Variants in MYO16 observed in about 807,000 individuals in gnomAD.
The protein encoded by MYO16 is unconventional myosin-XVI.
Under a neutral mutation model 205.3 loss-of-function variants are expected in MYO16, and 94 were observed. That is an observed-to-expected ratio of 0.46 (90% CI 0.39 to 0.54). The LOEUF (loss-of-function observed/expected upper bound fraction) is 0.54, where lower values mean the gene tolerates loss of function less well. MYO16 is among the 20% of genes least tolerant of loss of function. MYO16 has a pLI of 0.00. For missense variants in MYO16, 2,315 were observed against 2,387.5 expected (o/e 0.97, Z 0.63); for synonymous variants, 988 against 954.0 (o/e 1.04, Z -0.66).
intron 7 of MYO16, among the ~76,000 whole-genome samples, chr13:108,819,534 A>G (rs1436154161): frequency 1.3e-5 from 2 of 152,146 alleles, no homozygotes; most frequent in Non-Finnish European, 2.9e-5. Context: ...AGTTTTGGGG[A>G]GAAACACATG....
chr13:108,953,184 T>G (rs942302821), intron 16 of MYO16, among the ~76,000 whole-genome samples: 1 of 152,260 alleles, frequency 6.6e-6, no homozygotes, highest in Non-Finnish European at 1.5e-5. Flanking sequence ...AACAGCCAAG[T>G]GTAAACTACG....
At chr13:108,626,640 C>T (rs1879747074), upstream of MYO16, among the ~76,000 whole-genome samples, 2 of 151,768 alleles carry the variant, frequency 1.3e-5, no homozygotes, top group Admixed American at 1.3e-4. Flanking sequence ...CTCATGTCTA[C>T]TAAAACTACA....
intron 34 of MYO16, among the ~76,000 whole-genome samples, chr13:109,200,673 G>C (rs1880358018): frequency 2.0e-5 from 3 of 151,754 alleles, no homozygotes; most frequent in South Asian, 2.1e-4. Context: ...ATGACTCAGG[G>C]GATCTGGGAC....
At chr13:108,552,124 G>A in the MYO16 span, among the ~76,000 whole-genome samples, 2 of 152,176 alleles carry the variant, frequency 1.3e-5, no homozygotes, top group South Asian at 2.1e-4. Context: ...GATAGAAGGT[G>A]TTTTGGGCCA....
At chr13:109,006,463 C>A (rs1451689363) in intron 21 of MYO16, among the ~76,000 whole-genome samples, 1 of 152,136 alleles carries the variant, frequency 6.6e-6, no homozygotes, top group African/African-American at 2.4e-5. Flanking sequence ...TGGTCTCGAA[C>A]TCCTGACCTC....
At chr13:108,496,104 G>A in the MYO16 span, among the ~76,000 whole-genome samples, 17 of 152,200 alleles carry the variant, frequency 1.1e-4, no homozygotes, top group Admixed American at 1.1e-3. Context: ...GTTCCCGCAC[G>A]GTGAGGGTTG....
chr13:109,077,420 C>T (rs1288744467), intron 27 of MYO16, among the ~76,000 whole-genome samples: 3 of 152,128 alleles, frequency 2.0e-5, no homozygotes, highest in Non-Finnish European at 2.9e-5. Flanking sequence ...CTCACAGCCT[C>T]CACTGCTCTC....
At chr13:108,752,630 ACTTTTTTTTTTCTTTT>A (rs569060726) in intron 4 of MYO16, among the ~76,000 whole-genome samples, 244 of 148,880 alleles carry the variant, frequency 1.6e-3, no homozygotes, top group Non-Finnish European at 2.7e-3. Context: ...TATGGCCTTT[ACTTTTTTTTTTCTTTT>A]CTTTTTTTTT....
chr13:109,173,302 A>C (rs1878994511), intron 33 of MYO16, among the ~76,000 whole-genome samples: 1 of 152,236 alleles, frequency 6.6e-6, no homozygotes, highest in Non-Finnish European at 1.5e-5. Flanking sequence ...AGGAGACTGC[A>C]AAATAAGGCA....
intron 34 of MYO16, among the ~76,000 whole-genome samples, chr13:109,198,483 A>G (rs1880254968): frequency 6.6e-6 from 1 of 152,136 alleles, no homozygotes; most frequent in Non-Finnish European, 1.5e-5. Context: ...TCATATATAA[A>G]TCATAGTTAT....
At chr13:108,787,217 A>G (rs888643147) in intron 5 of MYO16, among the ~76,000 whole-genome samples, 1 of 152,126 alleles carries the variant, frequency 6.6e-6, no homozygotes, top group African/African-American at 2.4e-5. Context: ...TATTTATGGC[A>G]TATAATGTGG....
chr13:108,578,878 CATTATA>C, the MYO16 span, among the ~76,000 whole-genome samples: 1 of 149,508 alleles, frequency 6.7e-6, no homozygotes, highest in Admixed American at 6.7e-5. Flanking sequence ...ATTTATTATA[CATTATA>C]ATTATATGTA....
intron 19 of MYO16, 88 bp from the exon 20 acceptor site, chr13:108,964,673 G>A: frequency 7.4e-7 from 1 of 1,342,378 alleles, no homozygotes; most frequent in South Asian, 1.4e-5. Context: ...TGGATGTGTG[G>A]GGAATTAATA....
chr13:108,766,916 C>A (rs1885794677), intron 4 of MYO16, among the ~76,000 whole-genome samples: 1 of 152,146 alleles, frequency 6.6e-6, no homozygotes, highest in Admixed American at 6.5e-5. Context: ...GAAAGCTCTG[C>A]AGTGGTTTTC....
the MYO16 span, among the ~76,000 whole-genome samples, chr13:108,499,036 C>T: frequency 6.6e-6 from 1 of 152,156 alleles, no homozygotes; most frequent in African/African-American, 2.4e-5. Context: ...CTATTTTCAT[C>T]TTTGTATCCT....
chr13:108,662,708 G>A (rs1429469042), intron 1 of MYO16, among the ~76,000 whole-genome samples: 2 of 152,222 alleles, frequency 1.3e-5, no homozygotes, highest in Non-Finnish European at 2.9e-5. Context: ...ACTTCCAGCT[G>A]CAAGAGAAAA....
At chr13:108,971,768 G>C (rs1884021870) in intron 20 of MYO16, among the ~76,000 whole-genome samples, 1 of 151,734 alleles carries the variant, frequency 6.6e-6, no homozygotes, top group South Asian at 2.1e-4. Context: ...TTAGTTATTT[G>C]GTTATCCAAG....
chr13:109,134,653 C>T (rs1165069732), intron 31 of MYO16, among the ~76,000 whole-genome samples: 1 of 152,174 alleles, frequency 6.6e-6, no homozygotes, highest in East Asian at 1.9e-4. Flanking sequence ...CAACTTCTTA[C>T]AGGGAGAGTC....
chr13:108,737,557 T>C (rs1171577157), intron 4 of MYO16, among the ~76,000 whole-genome samples: 2 of 152,212 alleles, frequency 1.3e-5, no homozygotes, highest in East Asian at 3.8e-4. Context: ...TTATTGAGGA[T>C]TTTTGCATCA....
Sources: gnomAD v4.1 joint callset for allele counts (sites outside exome capture counted in the v4.1 genomes callset) on GRCh38, gnomAD v4.1.1 for gene constraint, MANE v1.5 for transcripts, NCBI Gene and HGNC (gene_info 2026-07-23, HGNC 2026-07-21) for gene names.